LRMDA: variants seen among roughly 807,000 people sequenced by gnomAD.
The protein encoded by LRMDA is leucine-rich melanocyte differentiation-associated protein.
A neutral mutation model predicts 29.8 loss-of-function variants in LRMDA; 18 were observed. The ratio of observed to expected loss-of-function variants is 0.60; its 90% CI spans 0.42 to 0.90. The LOEUF (loss-of-function observed/expected upper bound fraction) is 0.90. LRMDA is among the 40% of genes least tolerant of loss of function. The pLI is 0.00. For synonymous variants in LRMDA, 125 were observed against 109.4 expected (o/e 1.14, Z -0.89); for missense variants, 273 against 273.9 (o/e 1.00, Z 0.02).
chr10:75,948,990 A>C (rs939394327), intron 2 of LRMDA, among the ~76,000 whole-genome samples: 1 of 151,858 alleles, frequency 6.6e-6, no homozygotes, highest in Admixed American at 6.6e-5. Flanking sequence ...CATACACTTC[A>C]ATTCTAAGCT....
At chr10:75,855,842 T>G (rs1844816165) in intron 2 of LRMDA, among the ~76,000 whole-genome samples, 1 of 152,212 alleles carries the variant, frequency 6.6e-6, no homozygotes, top group Non-Finnish European at 1.5e-5. Flanking sequence ...CATTCCTTGT[T>G]TTTGTCAGGC....
At chr10:75,641,562 A>G (rs989260967) in intron 2 of LRMDA, among the ~76,000 whole-genome samples, 8 of 152,084 alleles carry the variant, frequency 5.3e-5, no homozygotes, top group African/African-American at 1.9e-4. Flanking sequence ...CAGTGGTGCA[A>G]TCACAACTCA....
chr10:75,983,637 G>A (rs1034721946), intron 2 of LRMDA, among the ~76,000 whole-genome samples: 11 of 152,022 alleles, frequency 7.2e-5, no homozygotes, highest in Admixed American at 3.9e-4. Flanking sequence ...ATACATACGC[G>A]TACATGTACG....
chr10:75,672,509 A>C (rs1841902901), intron 2 of LRMDA, among the ~76,000 whole-genome samples: 1 of 104,210 alleles, frequency 9.6e-6, no homozygotes, highest in Non-Finnish European at 1.8e-5. Context: ...ACTTCCTTGT[A>C]TTTTTCTTTT....
intron 2 of LRMDA, among the ~76,000 whole-genome samples, chr10:75,757,064 G>A (rs1843040742): frequency 6.6e-6 from 1 of 152,086 alleles, no homozygotes. Context: ...GTCTTCCTGG[G>A]GCCCAGAAAT....
chr10:76,178,630 A>G (rs1850985425), intron 5 of LRMDA, among the ~76,000 whole-genome samples: 1 of 152,136 alleles, frequency 6.6e-6, no homozygotes, highest in African/African-American at 2.4e-5. Context: ...CTACTTGACA[A>G]TTTTGCCTAA....
chr10:75,771,335 A>G (rs954049286), intron 2 of LRMDA, among the ~76,000 whole-genome samples: 4 of 151,870 alleles, frequency 2.6e-5, no homozygotes, highest in African/African-American at 9.7e-5. Flanking sequence ...AACACCTACT[A>G]AGTATATGTA....
intron 2 of LRMDA, among the ~76,000 whole-genome samples, chr10:75,927,256 G>T (rs922997780): frequency 2.6e-5 from 4 of 152,076 alleles, no homozygotes; most frequent in African/African-American, 9.7e-5. Context: ...CCATCCATTG[G>T]TCCTTTTCCT....
At chr10:76,075,789 T>C (rs1270763003) in intron 5 of LRMDA, among the ~76,000 whole-genome samples, 1 of 152,134 alleles carries the variant, frequency 6.6e-6, no homozygotes, top group Non-Finnish European at 1.5e-5. Flanking sequence ...GCTGGCATCT[T>C]GGTCAGGTAG....
intron 6 of LRMDA, among the ~76,000 whole-genome samples, chr10:76,425,269 T>C (rs1464387748): frequency 1.3e-5 from 2 of 152,228 alleles, no homozygotes; most frequent in African/African-American, 4.8e-5. Flanking sequence ...ACCATTATTT[T>C]TGAGCCATTA....
intron 2 of LRMDA, among the ~76,000 whole-genome samples, chr10:75,575,165 T>C (rs1336872020): frequency 6.6e-6 from 1 of 152,152 alleles, no homozygotes; most frequent in African/African-American, 2.4e-5. Context: ...ACCCCTATGA[T>C]CCAAGGACTT....
At chr10:76,028,527 C>A (rs1564633689) in intron 2 of LRMDA, among the ~76,000 whole-genome samples, 2 of 152,112 alleles carry the variant, frequency 1.3e-5, no homozygotes, top group African/African-American at 4.8e-5. Context: ...CTAACAGGAT[C>A]ATTTTGGATC....
chr10:75,689,909 CCACAGAA>C (rs977952241), intron 2 of LRMDA, among the ~76,000 whole-genome samples: 65 of 152,296 alleles, frequency 4.3e-4, no homozygotes, highest in Admixed American at 2.5e-3. Context: ...GATGGTAGAG[CCACAGAA>C]TCTTCACATT....
intron 2 of LRMDA, among the ~76,000 whole-genome samples, chr10:75,468,217 C>A (rs768047151): frequency 1.5e-4 from 23 of 152,086 alleles, no homozygotes; most frequent in Non-Finnish European, 1.8e-4. Flanking sequence ...AAATGGTTGT[C>A]GGTTTCCCCC....
At chr10:75,691,209 CATAT>C (rs757137330) in intron 2 of LRMDA, among the ~76,000 whole-genome samples, 1 of 136,088 alleles carries the variant, frequency 7.3e-6, no homozygotes, top group Non-Finnish European at 1.6e-5. Context: ...CACACACACA[CATAT>C]ATATATACAC....
intron 3 of LRMDA, among the ~76,000 whole-genome samples, chr10:76,039,474 G>T (rs1233617552): frequency 6.6e-6 from 1 of 152,124 alleles, no homozygotes; most frequent in African/African-American, 2.4e-5. Flanking sequence ...TATGTAAAAT[G>T]GTTATTCACC....
chr10:75,856,395 A>T (rs927114816), intron 2 of LRMDA, among the ~76,000 whole-genome samples: 3 of 152,164 alleles, frequency 2.0e-5, no homozygotes, highest in Admixed American at 2.0e-4. Context: ...AGAATTTTAG[A>T]CCAATATCCC....
intron 5 of LRMDA, among the ~76,000 whole-genome samples, chr10:76,106,684 G>A (rs1385937909): frequency 2.0e-5 from 3 of 152,150 alleles, no homozygotes; most frequent in Non-Finnish European, 2.9e-5. Flanking sequence ...GCTCCTTGTA[G>A]GAGACGGAAG....
At chr10:75,888,681 C>T (rs1272129479) in intron 2 of LRMDA, among the ~76,000 whole-genome samples, 2 of 152,166 alleles carry the variant, frequency 1.3e-5, no homozygotes, top group African/African-American at 4.8e-5. Context: ...TTAACACCCA[C>T]TTGATTATTC....
Sources: allele counts gnomAD v4.1 joint callset (sites outside exome capture counted in the v4.1 genomes callset), GRCh38; gene constraint gnomAD v4.1.1; transcripts MANE v1.5; gene names NCBI Gene and HGNC (gene_info 2026-07-23, HGNC 2026-07-21).